Variants in TDRD9 observed in about 807,000 individuals in gnomAD.
TDRD9 encodes ATP-dependent RNA helicase TDRD9.
TDRD9 carries 124 observed loss-of-function variants against 172.6 expected under a neutral mutation model. That is an observed-to-expected ratio of 0.72 (90% CI 0.62 to 0.83). The LOEUF (loss-of-function observed/expected upper bound fraction) is 0.83, where lower values mean the gene tolerates loss of function less well. TDRD9 is among the 40% of genes least tolerant of loss of function. The pLI, the probability that TDRD9 is intolerant of heterozygous loss-of-function variation, is 0.00. For missense variants in TDRD9, 1,479 were observed against 1,714.1 expected, an observed-to-expected ratio of 0.86 and a Z score of 2.42; for synonymous variants, 619 against 617.1, an observed-to-expected ratio of 1.00 and a Z score of -0.05.
At chr14:103,978,696 C>T (rs1043136960) in intron 7 of TDRD9, among the ~76,000 whole-genome samples, 18 of 152,058 alleles carry the variant, frequency 1.2e-4, no homozygotes, top group African/African-American at 4.3e-4. Context: ...GGAGGAAGAC[C>T]ACAGGCTGAG....
Position 104,016,041 on chromosome 14 carries a change from A to G in TDRD9, c.2284A>G (p.Met762Val). Reference sequence around the variant, plus strand: ...TACTTTTGGACAGCCGGATGAGGAGATGGCGGTGAGGGAGCTGGCTGGCAA... The same window carrying G: ...TACTTTTGGACAGCCGGATGAGGAGGTGGCGGTGAGGGAGCTGGCTGGCAA... ...YFTFGQPDEE[M>V]AVRELAGKDP... Residue 762 changes from methionine to valine, a missense_variant, in exon 22 of 36, where the codon ATG (methionine) becomes GTG (valine). Physicochemically the swap from Met to Val is conservative, Grantham distance 21. This residue lies in a region of TDRD9 where 1,413 missense variants were observed against 1,649.1 expected (regional missense o/e 0.86). Coordinates refer to ENST00000409874, the MANE Select transcript of TDRD9 (RefSeq NM_153046.3). 6.2e-7 allele frequency: 1 copy of G among 1,604,308 alleles called. No homozygotes were observed. Among genetic ancestry groups the G allele is most frequent in the Admixed American group, 1.7e-5 (1 of 58,796 alleles).
At chr14:103,962,200 A>G (rs1035564435) in intron 2 of TDRD9, among the ~76,000 whole-genome samples, 5 of 152,118 alleles carry the variant, frequency 3.3e-5, no homozygotes, top group African/African-American at 1.2e-4. Flanking sequence ...CTTTCCTGAT[A>G]CCTGTATTTC....
chr14:103,973,950 C>T (rs980373540), intron 6 of TDRD9, among the ~76,000 whole-genome samples: 2 of 152,162 alleles, frequency 1.3e-5, no homozygotes, highest in African/African-American at 4.8e-5. Context: ...GTAATCCCAG[C>T]ACTTTGGGAG....
intron 14 of TDRD9, 24 bp from the exon 15 acceptor site, chr14:104,005,250 A>C (rs527525838): frequency 1.2e-6 from 2 of 1,612,672 alleles, no homozygotes; most frequent in East Asian, 4.5e-5. Context: ...TATTATTTCT[A>C]ATCTCAGGCT....
rs1249173976 is a variant in TDRD9, at chr14:103,965,365, G to A, written c.453G>A (p.Val151=). The change falls in exon 4 of 36, where the codon GTG becomes GTA. Residue 151 remains valine (V), a synonymous_variant. Transcript: ENST00000409874. ...CTTTGATAGAAAGTAATTCCGTGGTGATTATCCATGGGGCCACGGGAAGCG... is the reference window on the plus strand; with the variant it reads ...CTTTGATAGAAAGTAATTCCGTGGTAATTATCCATGGGGCCACGGGAAGCG... The part of the protein sequence containing the change: ...VVSLIESNSV[V]IIHGATGSGK... The A allele has an allele frequency of 3.2e-6, 5 of 1,551,634 alleles. No individual in the cohort carries two copies. The highest frequency in any genetic ancestry group is 2.0e-5 in the Admixed American group (1 of 50,976).
chr14:104,008,364 T>A (rs1044178860), intron 19 of TDRD9, 49 bp from the exon 20 acceptor site: 1 of 1,080,588 alleles, frequency 9.3e-7, no homozygotes, highest in African/African-American at 1.6e-5. Context: ...TAAATTCAGC[T>A]CTAATTTATT....
intron 14 of TDRD9, among the ~76,000 whole-genome samples, chr14:104,004,578 CTG>C (rs2034375074): frequency 6.6e-6 from 1 of 152,124 alleles, no homozygotes; most frequent in South Asian, 2.1e-4. Context: ...CAGGGTTTCA[CTG>C]TGTTGGCCAG....
intron 35 of TDRD9, among the ~76,000 whole-genome samples, chr14:104,050,134 C>T (rs1225123412): frequency 6.6e-6 from 1 of 152,148 alleles, no homozygotes; most frequent in African/African-American, 2.4e-5. Context: ...GCTCTGGAGG[C>T]TGGAAGTCCT....
intron 23 of TDRD9, among the ~76,000 whole-genome samples, chr14:104,021,526 C>G (rs2034954506): frequency 6.6e-6 from 1 of 152,088 alleles, no homozygotes; most frequent in Non-Finnish European, 1.5e-5. Context: ...AACCCTGTCT[C>G]TACTAAAAAT....
chr14:104,021,421 G>A (rs1435378565), intron 23 of TDRD9, among the ~76,000 whole-genome samples: 1 of 152,184 alleles, frequency 6.6e-6, no homozygotes, highest in Non-Finnish European at 1.5e-5. Context: ...TGGCCCAGGC[G>A]CTGTGGCTCA....
At chr14:104,050,082 C>T (rs8021647) in intron 35 of TDRD9, 7,368 of 169,210 alleles carry the variant, frequency 0.044, 436 homozygotes, top group African/African-American at 0.14. Context: ...CACAGTGCCA[C>T]CACGGGTAGG....
At chr14:104,003,747 T>C (rs968906459) in intron 13 of TDRD9, among the ~76,000 whole-genome samples, 19 of 152,156 alleles carry the variant, frequency 1.2e-4, no homozygotes, top group Admixed American at 2.6e-4. Flanking sequence ...CCTCACTCGG[T>C]CACGTAATGC....
Position 104,029,067 on chromosome 14 carries a change from G to T in TDRD9, c.3283-2041G>T, listed in dbSNP as rs191351002. Among the ~76,000 whole-genome samples, 534 of 152,252 alleles carry T rather than the reference G, an allele frequency of 3.5e-3. 3 individuals carry two copies. The highest frequency in any genetic ancestry group is 5.8e-3 in the South Asian group (28 of 4,826). On this transcript the variant is annotated intron_variant, in intron 28 of 35. Coordinates refer to ENST00000409874, the MANE Select transcript of TDRD9 (RefSeq NM_153046.3). ...GTGTCTGTTTTTATGCCAGTATAAT[G>T]CTGGTTTGGTTACCGTAGCTTTGTA... is the stretch of plus-strand genomic sequence containing the variant.
chr14:103,987,419 A>G (rs1410032446), intron 8 of TDRD9, among the ~76,000 whole-genome samples: 4 of 152,100 alleles, frequency 2.6e-5, no homozygotes, highest in African/African-American at 9.7e-5. Flanking sequence ...GTTCTGCTTT[A>G]GCTGTGTCCC....
chr14:103,957,853 A>G (rs1205679399), intron 2 of TDRD9, among the ~76,000 whole-genome samples: 1 of 152,202 alleles, frequency 6.6e-6, no homozygotes, highest in East Asian at 1.9e-4. Context: ...GACTAGCTAG[A>G]TTACAAATGA....
intron 1 of TDRD9, among the ~76,000 whole-genome samples, chr14:103,938,318 G>A (rs2030903724): frequency 6.7e-6 from 1 of 148,586 alleles, no homozygotes; most frequent in South Asian, 2.1e-4. Flanking sequence ...AACGAATGCT[G>A]CTTTTTCTTG....
intron 8 of TDRD9, among the ~76,000 whole-genome samples, chr14:103,989,686 T>C (rs77840443): frequency 0.023 from 3,477 of 152,358 alleles, 78 homozygotes; most frequent in East Asian, 0.07. Context: ...GACTTGGCAC[T>C]GGCCCTTGCT....
chr14:103,977,184 G>T (rs1281004576), intron 7 of TDRD9, among the ~76,000 whole-genome samples: 5 of 151,742 alleles, frequency 3.3e-5, no homozygotes, highest in African/African-American at 4.8e-5. Flanking sequence ...TCACTTATTT[G>T]CCCATTAAAA....
At chr14:103,955,845 C>A in intron 2 of TDRD9, 75 bp downstream of exon 2, 1 of 1,251,868 alleles carries the variant, frequency 8.0e-7, no homozygotes, top group Non-Finnish European at 1.1e-6. Flanking sequence ...GTTCATAGTG[C>A]ATGCCTGTAA....
Sources: allele counts gnomAD v4.1 joint callset (sites outside exome capture counted in the v4.1 genomes callset), GRCh38; gene constraint gnomAD v4.1.1; regional missense constraint gnomAD v4.1.1; transcripts MANE v1.5; gene names NCBI Gene and HGNC (gene_info 2026-07-23, HGNC 2026-07-21).